Variants in ASIC2 observed in about 807,000 individuals in gnomAD.
The protein encoded by ASIC2 is acid sensing ion channel subunit 2, also known as acid-sensing ion channel 2.
ASIC2 carries 25 observed loss-of-function variants against 57.3 expected under a neutral mutation model. That is an observed-to-expected ratio of 0.44 (90% CI 0.32 to 0.61). ASIC2 has a LOEUF of 0.61. Among genes scored for constraint, ASIC2 ranks in the 20% least tolerant of loss-of-function variants. ASIC2 has a pLI of 0.06. For synonymous variants in ASIC2, 319 were observed against 307.5 expected, an observed-to-expected ratio of 1.04 and a Z score of -0.39; for missense variants, 641 against 738.1, an observed-to-expected ratio of 0.87 and a Z score of 1.52.
intron 1 of ASIC2, among the ~76,000 whole-genome samples, chr17:33,767,262 C>T (rs79979641): frequency 1.1e-4 from 16 of 152,274 alleles, no homozygotes; most frequent in African/African-American, 2.6e-4. Flanking sequence ...TTTTCCAGGG[C>T]GTTCAAAAGT....
intron 1 of ASIC2, among the ~76,000 whole-genome samples, chr17:33,654,965 T>C (rs1361143518): frequency 1.3e-5 from 2 of 152,132 alleles, no homozygotes; most frequent in East Asian, 3.9e-4. Flanking sequence ...CCCATCTCTA[T>C]AACAAATAAA....
intron 1 of ASIC2, among the ~76,000 whole-genome samples, chr17:33,450,758 A>G (rs1420799666): frequency 1.3e-5 from 2 of 152,150 alleles, no homozygotes; most frequent in African/African-American, 4.8e-5. Context: ...GGTGGGGAGT[A>G]ATTGTGTCTA....
intron 3 of ASIC2, among the ~76,000 whole-genome samples, chr17:33,050,861 C>A (rs550392678): frequency 6.6e-6 from 1 of 152,168 alleles, no homozygotes; most frequent in South Asian, 2.1e-4. Context: ...TGGACTGACA[C>A]CCTCTGGTCC....
intron 1 of ASIC2, among the ~76,000 whole-genome samples, chr17:33,492,144 G>A (rs182577048): frequency 1.3e-5 from 2 of 152,324 alleles, no homozygotes; most frequent in East Asian, 3.9e-4. Context: ...TAATAACACA[G>A]CTAGCATGTA....
At chr17:33,992,396 T>C (rs1425493528) in intron 1 of ASIC2, among the ~76,000 whole-genome samples, 2 of 152,298 alleles carry the variant, frequency 1.3e-5, no homozygotes, top group African/African-American at 4.8e-5. Flanking sequence ...GGTCTGTCTC[T>C]CGTGAGCAAT....
At chr17:33,043,998 G>A (rs2091940014) in intron 3 of ASIC2, among the ~76,000 whole-genome samples, 1 of 152,176 alleles carries the variant, frequency 6.6e-6, no homozygotes, top group Non-Finnish European at 1.5e-5. Flanking sequence ...TTGCAAAAAT[G>A]TCTATGAGTG....
intron 1 of ASIC2, among the ~76,000 whole-genome samples, chr17:33,511,789 C>T (rs142803399): frequency 1.3e-5 from 2 of 152,182 alleles, no homozygotes; most frequent in East Asian, 3.9e-4. Flanking sequence ...CTTTTCAACA[C>T]TTAGGATAAA....
chr17:33,672,605 A>G lies in ASIC2; in HGVS notation c.555+483373T>C, dbSNP rs141920019. Among the ~76,000 whole-genome samples the G allele has an allele frequency of 5.3e-4, 81 of 152,246 alleles. 4 individuals are homozygous for G. In the East Asian group the frequency reaches 0.014, roughly 26 times the overall value. Reference sequence around the variant, plus strand: ...CTTGGATTAGGATGGACTTGGCCCTAATATTTTGTTTCTTAATGATTCTTC... The same window carrying G: ...CTTGGATTAGGATGGACTTGGCCCTGATATTTTGTTTCTTAATGATTCTTC... On this transcript the variant is annotated intron_variant, in intron 1 of 9. Coordinates refer to the ASIC2 transcript ENST00000359872.
chr17:33,298,216 T>C (rs1257910606), upstream of ASIC2, among the ~76,000 whole-genome samples: 2 of 152,150 alleles, frequency 1.3e-5, no homozygotes, highest in Admixed American at 1.3e-4. Flanking sequence ...GCTGCACCCA[T>C]TAACTTGTCA....
chr17:33,971,596 GA>G (rs1476868439), intron 1 of ASIC2, among the ~76,000 whole-genome samples: 1 of 152,106 alleles, frequency 6.6e-6, no homozygotes, highest in African/African-American at 2.4e-5. Flanking sequence ...GAACTCTTTG[GA>G]AATGCAAGAT....
intron 1 of ASIC2, among the ~76,000 whole-genome samples, chr17:33,839,397 C>T (rs1300486612): frequency 1.3e-5 from 2 of 152,180 alleles, no homozygotes; most frequent in Non-Finnish European, 2.9e-5. Flanking sequence ...TAGCATTCTC[C>T]AAGACATCTA....
intron 1 of ASIC2, among the ~76,000 whole-genome samples, chr17:34,028,870 C>A (rs896753313): frequency 2.0e-5 from 3 of 152,176 alleles, no homozygotes; most frequent in Non-Finnish European, 4.4e-5. Flanking sequence ...CCAGTCCCCC[C>A]ATCTCTCATT....
At chr17:33,844,716 A>C (rs1318610385) in intron 1 of ASIC2, among the ~76,000 whole-genome samples, 1 of 152,226 alleles carries the variant, frequency 6.6e-6, no homozygotes, top group Non-Finnish European at 1.5e-5. Context: ...AATTTAAAGA[A>C]TAATCCAGCT....
In ASIC2 at chr17:34,102,916, A is replaced by T. The variant is rs528000484; in HGVS notation, c.555+53062T>A. ...TTCTCCAGTAATGGACAGGCATTTC[A>T]TTTGCTCTACATACTCCCCAACCAT... is the stretch of plus-strand genomic sequence containing the variant. On this transcript the variant is annotated intron_variant, in intron 1 of 9. Coordinates refer to the ASIC2 transcript ENST00000359872. 3.3e-5 allele frequency among the ~76,000 whole-genome samples: 5 copies of T among 152,214 alleles called. No homozygotes were observed. The East Asian group carries it at 9.6e-4, about 29-fold the overall frequency.
chr17:33,855,327 G>T (rs1261690096), intron 1 of ASIC2, among the ~76,000 whole-genome samples: 1 of 152,174 alleles, frequency 6.6e-6, no homozygotes, highest in Non-Finnish European at 1.5e-5. Context: ...GTGGGCTTTG[G>T]TCACACAGAG....
intron 1 of ASIC2, among the ~76,000 whole-genome samples, chr17:33,972,233 A>G (rs1199663417): frequency 6.6e-6 from 1 of 152,242 alleles, no homozygotes; most frequent in Non-Finnish European, 1.5e-5. Context: ...TTGTCCATGT[A>G]TGAATCCCCC....
intron 1 of ASIC2, among the ~76,000 whole-genome samples, chr17:33,483,063 T>C (rs988502171): frequency 1.4e-4 from 21 of 152,138 alleles, no homozygotes. Flanking sequence ...GAGGGAAGTC[T>C]TTAGGCTGAA....
At chr17:33,790,532 T>A (rs1052924316) in intron 1 of ASIC2, among the ~76,000 whole-genome samples, 2 of 152,226 alleles carry the variant, frequency 1.3e-5, no homozygotes, top group Non-Finnish European at 2.9e-5. Flanking sequence ...ATTTTCTCAT[T>A]CTCACTTTCA....
chr17:33,855,766 G>A (rs899583355), intron 1 of ASIC2, among the ~76,000 whole-genome samples: 6 of 152,154 alleles, frequency 3.9e-5, no homozygotes, highest in Admixed American at 1.3e-4. Flanking sequence ...CCTAAGGGAA[G>A]AGATGAAAGA....
Sources: gnomAD v4.1 joint callset for allele counts (sites outside exome capture counted in the v4.1 genomes callset) on GRCh38, gnomAD v4.1.1 for gene constraint, MANE v1.5 for transcripts, NCBI Gene and HGNC (gene_info 2026-07-23, HGNC 2026-07-21) for gene names.